Variants in TRPM1 observed in about 807,000 individuals in gnomAD.
The protein encoded by TRPM1 is transient receptor potential cation channel subfamily M member 1, also known as TRPM1-203 APA Isoform, Intron 10.
A neutral mutation model predicts 149.4 loss-of-function variants in TRPM1; 113 were observed. The observed-to-expected ratio is 0.76, with a 90% CI of 0.65 to 0.88. The LOEUF (loss-of-function observed/expected upper bound fraction) is 0.88, where lower values mean the gene tolerates loss of function less well. Among genes scored for constraint, TRPM1 ranks in the 40% least tolerant of loss-of-function variants. The probability of loss-of-function intolerance (pLI) is 0.00; values close to 1 mark genes in which losing one functional copy is unlikely to be tolerated. For synonymous variants in TRPM1, 741 were observed against 759.5 expected (o/e 0.98, Z 0.40); for missense variants, 1,976 against 2,038.7 (o/e 0.97, Z 0.59).
At chr15:31,044,245 T>C (rs1257920914) in intron 16 of TRPM1, among the ~76,000 whole-genome samples, 2 of 152,244 alleles carry the variant, frequency 1.3e-5, no homozygotes, top group African/African-American at 4.8e-5. Flanking sequence ...ATACCTTTAA[T>C]GCATTTATAG....
chr15:31,015,223 G>A (rs1320990655), intron 27 of TRPM1, among the ~76,000 whole-genome samples: 1 of 151,826 alleles, frequency 6.6e-6, no homozygotes, highest in Non-Finnish European at 1.5e-5. Flanking sequence ...TCTGAACAAC[G>A]TGGCAAAACC....
chr15:31,137,432 A>G (rs2036103512), intron 1 of TRPM1, among the ~76,000 whole-genome samples: 2 of 152,232 alleles, frequency 1.3e-5, no homozygotes, highest in Admixed American at 1.3e-4. Context: ...CTTACTAAAG[A>G]TAATTCAGAA....
chr15:31,045,312 A>G (rs888742923), intron 16 of TRPM1, among the ~76,000 whole-genome samples: 9 of 152,216 alleles, frequency 5.9e-5, no homozygotes, highest in African/African-American at 2.2e-4. Context: ...CATTCATTTA[A>G]ATATTTTTAG....
At chr15:31,072,004 TATATATATATATATAGAGAGAGAGAG>T (rs1225306468) in intron 3 of TRPM1, among the ~76,000 whole-genome samples, 14 of 53,698 alleles carry the variant, frequency 2.6e-4, no homozygotes, top group Non-Finnish European at 4.4e-4. Context: ...TATATATATA[TATATATATATATATAGAGAGAGAGAG>T]AGAGAGAGAG....
chr15:31,014,912 C>T (rs540604992), intron 27 of TRPM1, among the ~76,000 whole-genome samples: 18 of 151,760 alleles, frequency 1.2e-4, no homozygotes, highest in South Asian at 4.2e-4. Flanking sequence ...CAAAGAGCAA[C>T]GATTGACTTC....
At chr15:31,141,476 C>T (rs906991859) in intron 1 of TRPM1, among the ~76,000 whole-genome samples, 1 of 151,824 alleles carries the variant, frequency 6.6e-6, no homozygotes, top group African/African-American at 2.4e-5. Flanking sequence ...GAAGATGTCT[C>T]AAAATATGGA....
chr15:31,120,418 CT>C (rs1304523122), intron 1 of TRPM1, among the ~76,000 whole-genome samples: 3 of 152,156 alleles, frequency 2.0e-5, no homozygotes, highest in African/African-American at 7.2e-5. Context: ...ACTTACAGAA[CT>C]GCAAGGAGAA....
At chr15:31,120,689 C>A (rs1460374570) in intron 1 of TRPM1, among the ~76,000 whole-genome samples, 1 of 149,632 alleles carries the variant, frequency 6.7e-6, no homozygotes, top group African/African-American at 2.5e-5. Flanking sequence ...ATAAAAATCA[C>A]GTGAAGTATG....
chr15:31,147,452 G>A (rs1172273446), intron 1 of TRPM1, among the ~76,000 whole-genome samples: 2 of 152,232 alleles, frequency 1.3e-5, no homozygotes, highest in East Asian at 3.8e-4. Flanking sequence ...AGAAAGCAAA[G>A]AATTTTCTAG....
rs2033921068 is a variant in TRPM1, at chr15:31,050,581, G to A, written c.1265C>T (p.Pro422Leu). 4 of 1,613,850 alleles carry A rather than the reference G, an allele frequency of 2.5e-6. No individual in the cohort carries two copies. Among genetic ancestry groups the A allele is most frequent in the Non-Finnish European group, 3.4e-6 (4 of 1,179,980 alleles). ...QIFVFGPHWP[P>L]LGSLAPPTDS... The stretch of plus-strand genomic sequence containing the variant: ...CGTCGGGGGTGCCAGGCTTCCCAGG[G>A]GCTGCAGTCCACAGCAATCAGAGTT... Residue 422 changes from proline (P) to leucine (L), a missense_variant and splice_region_variant, in exon 12 of 28, where the codon CCC becomes CTC. Physicochemically the swap from Pro to Leu is moderately conservative, Grantham distance 98. Transcript: ENST00000256552.
chr15:31,071,040 C>A (rs568886866), intron 3 of TRPM1, among the ~76,000 whole-genome samples: 1 of 152,212 alleles, frequency 6.6e-6, no homozygotes, highest in Non-Finnish European at 1.5e-5. Flanking sequence ...CCCAGCCAAC[C>A]TCTCACGCCC....
intron 4 of TRPM1, chr15:31,069,384 G>A (rs1253755723): frequency 8.1e-6 from 8 of 982,854 alleles, no homozygotes; most frequent in African/African-American, 5.2e-5. Context: ...ACTGTATATT[G>A]CAGCATTTGG....
chr15:31,081,556 C>T (rs2034859564), intron 1 of TRPM1, 118 bp from the exon 2 acceptor site: 1 of 661,330 alleles, frequency 1.5e-6, no homozygotes, highest in South Asian at 1.9e-5. Context: ...GTGGCCTCTT[C>T]ACCAGGGCTC....
intron 11 of TRPM1, chr15:31,060,169 C>A (rs1228711217): frequency 2.9e-6 from 1 of 344,592 alleles, no homozygotes; most frequent in Non-Finnish European, 5.5e-6. Context: ...ACACAGAGTT[C>A]TCTAGGCCTC....
intron 1 of TRPM1, among the ~76,000 whole-genome samples, chr15:31,085,899 C>G (rs1373662701): frequency 6.6e-6 from 1 of 152,158 alleles, no homozygotes; most frequent in African/African-American, 2.4e-5. Flanking sequence ...TACCCTGGAC[C>G]CGCAGCCACA....
intron 2 of TRPM1, among the ~76,000 whole-genome samples, chr15:31,078,191 C>A (rs1681956690): frequency 6.6e-6 from 1 of 152,136 alleles, no homozygotes; most frequent in Non-Finnish European, 1.5e-5. Context: ...AGGCTTGGAG[C>A]TGGCCTCCTG....
intron 7 of TRPM1, 56 bp downstream of exon 7, chr15:31,066,020 G>C: frequency 1.3e-6 from 2 of 1,585,466 alleles, no homozygotes; most frequent in Admixed American, 1.7e-5. Context: ...TCTCAGCCTT[G>C]TTTCCACTGT....
intron 27 of TRPM1, among the ~76,000 whole-genome samples, chr15:31,009,740 C>A (rs1478012361): frequency 1.3e-5 from 2 of 151,962 alleles, no homozygotes; most frequent in Non-Finnish European, 2.9e-5. Flanking sequence ...AGCCCATTTA[C>A]TCTCTTGTTC....
At chr15:31,055,684 G>A (rs952140095) in intron 11 of TRPM1, among the ~76,000 whole-genome samples, 11 of 152,110 alleles carry the variant, frequency 7.2e-5, no homozygotes, top group Admixed American at 1.3e-4. Flanking sequence ...CTCTCCAGTC[G>A]GCACTCAGCA....
Sources: allele counts gnomAD v4.1 joint callset (sites outside exome capture counted in the v4.1 genomes callset), GRCh38; gene constraint gnomAD v4.1.1; transcripts MANE v1.5; gene names NCBI Gene and HGNC (gene_info 2026-07-23, HGNC 2026-07-21).